The following CLEC16A variants were observed in gnomAD, a reference collection of about 807,000 sequenced individuals.
The protein encoded by CLEC16A is protein CLEC16A.
CLEC16A carries 51 observed loss-of-function variants against 109.5 expected under a neutral mutation model. The observed-to-expected ratio is 0.47, with a 90% CI of 0.37 to 0.59. The LOEUF is 0.59. CLEC16A is among the 20% of genes least tolerant of loss of function. The pLI is 0.00. For synonymous variants in CLEC16A, 673 were observed against 564.2 expected (o/e 1.19, Z -2.73); for missense variants, 1,339 against 1,394.0 (o/e 0.96, Z 0.63).
intron 21 of CLEC16A, 31 bp from the exon 22 acceptor site, chr16:11,125,948 C>A: frequency 7.7e-7 from 1 of 1,304,240 alleles, no homozygotes; most frequent in Non-Finnish European, 1.0e-6. Flanking sequence ...CCCACATGCT[C>A]AGAGTGAACC....
chr16:11,027,920 G>T (rs1248134304), intron 13 of CLEC16A, among the ~76,000 whole-genome samples: 1 of 152,356 alleles, frequency 6.6e-6, no homozygotes, highest in East Asian at 1.9e-4. Flanking sequence ...ACAGTAGCTG[G>T]CTGGGCGTTG....
intron 13 of CLEC16A, among the ~76,000 whole-genome samples, chr16:11,025,760 G>A (rs958018147): frequency 2.0e-5 from 3 of 151,744 alleles, no homozygotes; most frequent in African/African-American, 4.8e-5. Flanking sequence ...AAGTTTATGT[G>A]TTCTTAAATC....
At chr16:11,129,185 A>G (rs746606225) in intron 22 of CLEC16A, among the ~76,000 whole-genome samples, 7 of 152,312 alleles carry the variant, frequency 4.6e-5, no homozygotes, top group Non-Finnish European at 8.8e-5. Flanking sequence ...AAAAAGTATT[A>G]CAGAACTTAA....
chr16:10,975,576 G>A (rs2042994207), intron 7 of CLEC16A, among the ~76,000 whole-genome samples: 1 of 152,152 alleles, frequency 6.6e-6, no homozygotes, highest in African/African-American at 2.4e-5. Flanking sequence ...CAGGCGCACG[G>A]TGGGTTCATA....
chr16:11,104,193 C>T (rs768671436), intron 19 of CLEC16A, among the ~76,000 whole-genome samples: 28 of 152,168 alleles, frequency 1.8e-4, no homozygotes, highest in Non-Finnish European at 2.5e-4. Context: ...ACTGCAACCT[C>T]TGCCTCCTGG....
rs1235868749 is a variant in CLEC16A at position 11,023,394 on chromosome 16, C to G, written c.1437-1427C>G. Among the ~76,000 whole-genome samples the G allele has an allele frequency of 2.0e-5, 3 of 152,126 alleles. No homozygotes were observed. In the East Asian group the frequency reaches 5.8e-4, roughly 29 times the overall value. On this transcript the variant is annotated intron_variant, in intron 12 of 23. Coordinates refer to ENST00000409790, the MANE Select transcript of CLEC16A (RefSeq NM_015226.3). The stretch of plus-strand genomic sequence containing the variant: ...CAGCTGATTTACAAGAAAATGTTAT[C>G]CTACTCCTAAGTCTGGAAGTGTTAT...
chr16:11,029,988 A>C lies in CLEC16A; in HGVS notation c.1537+5067A>C, dbSNP rs181116881. Among the ~76,000 whole-genome samples, 6 of 151,922 alleles carry C rather than the reference A, an allele frequency of 3.9e-5. No homozygotes were observed. In the South Asian group the frequency reaches 1.2e-3, roughly 32 times the overall value. On this transcript the variant is annotated intron_variant, in intron 13 of 23. Transcript: ENST00000409790. The stretch of plus-strand genomic sequence containing the variant: ...GTATAAACAGAGTCATGCAACATGT[A>C]CTCCTCTTCATGTGGCTTCTTTCAA...
chr16:10,995,382 C>T (rs1201276758), intron 10 of CLEC16A, among the ~76,000 whole-genome samples: 3 of 152,158 alleles, frequency 2.0e-5, no homozygotes, highest in South Asian at 4.1e-4. Context: ...CCAGTCCTGG[C>T]GCCTGAGGCC....
intron 3 of CLEC16A, among the ~76,000 whole-genome samples, chr16:10,965,600 G>A (rs1309567057): frequency 6.6e-6 from 1 of 152,212 alleles, no homozygotes; most frequent in Non-Finnish European, 1.5e-5. Context: ...GTGGTTTCCA[G>A]CTTTTCACTA....
chr16:11,100,563 C>T (rs1011699788), intron 19 of CLEC16A, among the ~76,000 whole-genome samples: 1 of 152,178 alleles, frequency 6.6e-6, no homozygotes, highest in Non-Finnish European at 1.5e-5. Flanking sequence ...TTGGACCTGA[C>T]TCACTTGGGC....
intron 3 of CLEC16A, among the ~76,000 whole-genome samples, chr16:10,968,552 C>T (rs535438373): frequency 3.9e-5 from 6 of 152,304 alleles, no homozygotes; most frequent in African/African-American, 1.4e-4. Flanking sequence ...TTCTCTGTGA[C>T]TGTCTCTGTG....
intron 22 of CLEC16A, among the ~76,000 whole-genome samples, chr16:11,147,736 G>T (rs1464595460): frequency 6.6e-6 from 1 of 152,152 alleles, no homozygotes; most frequent in East Asian, 1.9e-4. Context: ...CAACTTGTCA[G>T]ACTGTCACAA....
intron 23 of CLEC16A, among the ~76,000 whole-genome samples, chr16:11,176,817 G>A (rs1458163689): frequency 6.6e-6 from 1 of 152,206 alleles, no homozygotes; most frequent in Non-Finnish European, 1.5e-5. Context: ...AAATGCCGGT[G>A]TGTGCTTTGA....
rs548525120 is a variant in CLEC16A at position 11,091,951 on chromosome 16, C to G, written c.2117-28664C>G. On this transcript the variant is annotated intron_variant, in intron 19 of 23. Transcript: ENST00000409790. ...CCCTGGGACTGCCATGGGTTTGCTT[C>G]CTCAGAAGGCTTCCCCGTCGGCTGC... 3.9e-5 allele frequency among the ~76,000 whole-genome samples: 6 copies of G among 152,266 alleles called. No homozygotes were observed. The South Asian group carries it at 6.2e-4, about 16-fold the overall frequency.
intron 10 of CLEC16A, among the ~76,000 whole-genome samples, chr16:10,996,631 C>G (rs1386978643): frequency 6.6e-6 from 1 of 152,212 alleles, no homozygotes; most frequent in Non-Finnish European, 1.5e-5. Flanking sequence ...TTTTCCCTCC[C>G]TTCCTCTGCG....
At chr16:10,952,968 T>C (rs1024345988) in intron 1 of CLEC16A, among the ~76,000 whole-genome samples, 2 of 152,236 alleles carry the variant, frequency 1.3e-5, no homozygotes, top group African/African-American at 2.4e-5. Flanking sequence ...TCTCCAAATT[T>C]AGCCATAGAT....
intron 18 of CLEC16A, 84 bp downstream of exon 18, chr16:11,051,725 C>T (rs1160441708): frequency 7.1e-6 from 11 of 1,547,144 alleles, no homozygotes; most frequent in Non-Finnish European, 9.7e-6. Context: ...GCTTCTTTGT[C>T]AAAGTCAAGA....
At chr16:10,985,215 AAAAAAAT>A (rs2043562602) in intron 10 of CLEC16A, among the ~76,000 whole-genome samples, 3 of 135,480 alleles carry the variant, frequency 2.2e-5, no homozygotes, top group Admixed American at 2.2e-4. Flanking sequence ...AAAAAAAAAA[AAAAAAAT>A]ATATATATAT....
chr16:11,126,325 A>G, intron 22 of CLEC16A, 179 bp downstream of exon 22: 7 of 1,490,786 alleles, frequency 4.7e-6, no homozygotes, highest in Non-Finnish European at 6.3e-6. Context: ...CCCCCAAAAT[A>G]AATTTTGGCT....
Sources: gnomAD v4.1 joint callset for allele counts (sites outside exome capture counted in the v4.1 genomes callset) on GRCh38, gnomAD v4.1.1 for gene constraint, MANE v1.5 for transcripts, NCBI Gene and HGNC (gene_info 2026-07-23, HGNC 2026-07-21) for gene names.